The following TCF12 variants were observed in gnomAD, a reference collection of about 807,000 sequenced individuals.
TCF12 encodes the protein DNA-binding protein HTF4.
In TCF12, 45 loss-of-function variants were observed where a neutral mutation model predicts 86.0. The ratio of observed to expected loss-of-function variants is 0.52; its 90% confidence interval spans 0.41 to 0.67. The LOEUF is 0.67. Among genes scored for constraint, TCF12 ranks in the 30% least tolerant of loss-of-function variants. The probability of loss-of-function intolerance (pLI) is 0.00; values close to 1 mark genes in which losing one functional copy is unlikely to be tolerated. For synonymous variants in TCF12, 330 were observed against 299.6 expected (o/e 1.10, Z -1.05); for missense variants, 881 against 859.9 (o/e 1.02, Z -0.31).
intron 5 of TCF12, among the ~76,000 whole-genome samples, chr15:57,136,868 C>T (rs1205918610): frequency 6.7e-6 from 1 of 148,738 alleles, no homozygotes; most frequent in Non-Finnish European, 1.5e-5. Flanking sequence ...CCAGGCTGGT[C>T]TTGAACTCTT....
intron 3 of TCF12, among the ~76,000 whole-genome samples, chr15:56,948,870 G>A (rs2061135426): frequency 1.3e-5 from 2 of 151,564 alleles, no homozygotes; most frequent in African/African-American, 4.8e-5. Context: ...GACACTAAAA[G>A]TCACACTCTT....
intron 8 of TCF12, chr15:57,219,365 G>C: frequency 1.6e-6 from 2 of 1,287,224 alleles, no homozygotes; most frequent in Non-Finnish European, 2.0e-6. Flanking sequence ...TCTGTGCTCT[G>C]TGAGTTGGTT....
intron 4 of TCF12, among the ~76,000 whole-genome samples, chr15:57,090,651 G>A (rs1408823786): frequency 6.6e-6 from 1 of 152,134 alleles, no homozygotes; most frequent in East Asian, 1.9e-4. Flanking sequence ...TTAAATGGTA[G>A]CCTGCAGTCT....
At chr15:57,224,267 T>A (rs774996236) in intron 8 of TCF12, among the ~76,000 whole-genome samples, 5 of 152,122 alleles carry the variant, frequency 3.3e-5, no homozygotes, top group African/African-American at 9.7e-5. Context: ...TGTCAGTCAT[T>A]GATTTGTTCA....
chr15:56,962,933 G>C (rs1457365243), intron 3 of TCF12, among the ~76,000 whole-genome samples: 1 of 151,462 alleles, frequency 6.6e-6, no homozygotes, highest in African/African-American at 2.4e-5. Flanking sequence ...AGTTTATACA[G>C]AAGAATTAAA....
In TCF12 at chr15:57,101,592, C is replaced by T. The variant is rs190348987; in HGVS notation, c.325+9701C>T. On this transcript the variant is annotated intron_variant, in intron 5 of 20. Transcript: ENST00000333725. ...TTTCTGATACGTACGCATGTGCACGCGTGCGTGCACACACACACGTGCATA... is the reference window on the plus strand; with the variant it reads ...TTTCTGATACGTACGCATGTGCACGTGTGCGTGCACACACACACGTGCATA... Among the ~76,000 whole-genome samples the T allele has an allele frequency of 4.2e-3, 644 of 152,300 alleles. 6 individuals are homozygous for T. Among genetic ancestry groups the T allele is most frequent in the African/African-American group, 0.014 (602 of 41,574 alleles).
chr15:57,049,239 C>A (rs1211989615), intron 3 of TCF12, among the ~76,000 whole-genome samples: 1 of 152,140 alleles, frequency 6.6e-6, no homozygotes, highest in Non-Finnish European at 1.5e-5. Flanking sequence ...CTCCCTCTAC[C>A]CCTTTGTGCT....
chr15:57,190,485 A>G (rs1205803096), intron 6 of TCF12, among the ~76,000 whole-genome samples: 3 of 151,926 alleles, frequency 2.0e-5, no homozygotes, highest in Admixed American at 6.6e-5. Context: ...ATGATGGGGG[A>G]TTCGTAAATG....
At chr15:56,920,050 G>C (rs572871867) in intron 2 of TCF12, 62 bp downstream of exon 2, 79 of 1,560,032 alleles carry the variant, frequency 5.1e-5, no homozygotes, top group African/African-American at 3.9e-4. Flanking sequence ...TTGTTTGTTT[G>C]TTTCTTTTAA....
At chr15:57,169,159 C>G (rs1450587640) in intron 6 of TCF12, among the ~76,000 whole-genome samples, 5 of 152,214 alleles carry the variant, frequency 3.3e-5, no homozygotes, top group Non-Finnish European at 7.3e-5. Flanking sequence ...GCTGTGCAAA[C>G]TGCCTCTGTG....
intron 1 of TCF12, chr15:56,919,505 G>T (rs919067271): frequency 4.9e-5 from 8 of 162,984 alleles, no homozygotes; most frequent in Non-Finnish European, 9.4e-5. Flanking sequence ...CGCTCCGCTC[G>T]CTGGACGCCG....
chr15:57,251,612 C>G (rs1403922795), intron 14 of TCF12, among the ~76,000 whole-genome samples, 189 bp downstream of exon 14: 1 of 152,198 alleles, frequency 6.6e-6, no homozygotes, highest in Admixed American at 6.5e-5. Flanking sequence ...TTTGGGACAT[C>G]AGGCTTCTGG....
At chr15:57,185,114 G>C (rs1194466934) in intron 6 of TCF12, among the ~76,000 whole-genome samples, 7 of 152,014 alleles carry the variant, frequency 4.6e-5, no homozygotes, top group African/African-American at 1.7e-4. Context: ...ATATTGCCTG[G>C]TAATTGAAAT....
At chr15:57,237,762 C>T (rs1460605445) in intron 12 of TCF12, among the ~76,000 whole-genome samples, 1 of 152,038 alleles carries the variant, frequency 6.6e-6, no homozygotes. Context: ...TAGAATAAAG[C>T]CAAATAAAGC....
At chr15:57,099,982 C>CT (rs1173070677) in intron 5 of TCF12, among the ~76,000 whole-genome samples, 1 of 151,992 alleles carries the variant, frequency 6.6e-6, no homozygotes, top group Non-Finnish European at 1.5e-5. Context: ...ACCACCTTTA[C>CT]TTTTACTTGT....
At chr15:57,232,623 GCT>G in intron 10 of TCF12, 87 bp from the exon 11 acceptor site, 1 of 1,466,056 alleles carries the variant, frequency 6.8e-7, no homozygotes, top group African/African-American at 1.4e-5. Context: ...ACTTGTAAAT[GCT>G]CTTTTTGACC....
chr15:56,935,653 A>C (rs531339850), intron 3 of TCF12, among the ~76,000 whole-genome samples: 1 of 152,230 alleles, frequency 6.6e-6, no homozygotes, highest in South Asian at 2.1e-4. Context: ...TGAGTCCCCA[A>C]AGTCCAAGGT....
At chr15:57,075,835 T>TCTCTCTCTTTTC (rs778545170) in intron 4 of TCF12, among the ~76,000 whole-genome samples, 48 of 49,996 alleles carry the variant, frequency 9.6e-4, no homozygotes, top group Non-Finnish European at 1.3e-3. Flanking sequence ...TCTCTCTCTC[T>TCTCTCTCTTTTC]TTTCTTTCTT....
chr15:57,012,312 G>T (rs1567250759), intron 3 of TCF12, among the ~76,000 whole-genome samples: 1 of 152,114 alleles, frequency 6.6e-6, no homozygotes. Flanking sequence ...TATACACTGA[G>T]ATATTTAATA....
Sources: gnomAD v4.1 joint callset for allele counts (sites outside exome capture counted in the v4.1 genomes callset) on GRCh38, gnomAD v4.1.1 for gene constraint, MANE v1.5 for transcripts, NCBI Gene and HGNC (gene_info 2026-07-23, HGNC 2026-07-21) for gene names.